The following HDAC9 variants were observed in gnomAD, a reference collection of about 807,000 sequenced individuals.
HDAC9 encodes MEF-2 interacting transcription repressor (MITR) protein.
Under a neutral mutation model 139.4 loss-of-function variants are expected in HDAC9, and 41 were observed. The ratio of observed to expected loss-of-function variants is 0.29; its 90% CI spans 0.23 to 0.38. The LOEUF (loss-of-function observed/expected upper bound fraction) is 0.38, where lower values mean the gene tolerates loss of function less well. Among genes scored for constraint, HDAC9 ranks in the 10% least tolerant of loss-of-function variants. The pLI is 1.00. For missense variants in HDAC9, 1,147 were observed against 1,297.0 expected (o/e 0.88, Z 1.78); for synonymous variants, 517 against 476.2 (o/e 1.09, Z -1.12).
At chr7:18,654,946 C>T (rs953530306) in intron 11 of HDAC9, among the ~76,000 whole-genome samples, 5 of 152,162 alleles carry the variant, frequency 3.3e-5, no homozygotes, top group African/African-American at 2.4e-5. Flanking sequence ...GAGCCAACTA[C>T]AGCCAGGCCA....
At chr7:18,589,568 A>G (rs1243167358) in intron 3 of HDAC9, among the ~76,000 whole-genome samples, 1 of 152,122 alleles carries the variant, frequency 6.6e-6, no homozygotes, top group Non-Finnish European at 1.5e-5. Context: ...GAGTGCAAGA[A>G]TGCATCATAT....
chr7:18,135,246 A>G (rs1298497439), intron 1 of HDAC9, among the ~76,000 whole-genome samples: 3 of 140,478 alleles, frequency 2.1e-5, no homozygotes, highest in Non-Finnish European at 4.5e-5. Flanking sequence ...TGTTTGCAAA[A>G]ATTTCTTTCT....
chr7:18,092,251 G>C (rs78735034), intron 1 of HDAC9, among the ~76,000 whole-genome samples: 2 of 151,972 alleles, frequency 1.3e-5, no homozygotes, highest in Non-Finnish European at 2.9e-5. Context: ...TTACCTGAAC[G>C]TGATGGTGTG....
intron 1 of HDAC9, among the ~76,000 whole-genome samples, chr7:18,370,583 G>A (rs1784520243): frequency 6.6e-6 from 1 of 152,134 alleles, no homozygotes; most frequent in South Asian, 2.1e-4. Context: ...ATATTAGTCT[G>A]TAAATCATAA....
intron 1 of HDAC9, among the ~76,000 whole-genome samples, chr7:18,371,639 A>T (rs113618492): frequency 0.016 from 2,449 of 152,322 alleles, 60 homozygotes; most frequent in African/African-American, 0.054. Flanking sequence ...CAATGGGTGA[A>T]TTATTAGTTT....
intron 2 of HDAC9, among the ~76,000 whole-genome samples, chr7:18,203,434 A>G (rs1263329489): frequency 6.6e-6 from 1 of 152,174 alleles, no homozygotes; most frequent in Non-Finnish European, 1.5e-5. Context: ...CCAGTTATTG[A>G]CAGATCTTAA....
chr7:18,582,242 G>A (rs999057748), intron 2 of HDAC9, among the ~76,000 whole-genome samples: 1 of 152,112 alleles, frequency 6.6e-6, no homozygotes, highest in Non-Finnish European at 1.5e-5. Context: ...TATAGTAATA[G>A]AGCATTAGAT....
chr7:18,934,112 T>A (rs975825469), intron 22 of HDAC9, among the ~76,000 whole-genome samples: 3 of 151,840 alleles, frequency 2.0e-5, no homozygotes, highest in African/African-American at 7.3e-5. Context: ...ATTTAAACAA[T>A]GAAATAAAAG....
In HDAC9 at chr7:18,106,662, C is replaced by T. The variant is rs533779342; in HGVS notation, c.-97+19449C>T. On this transcript the variant is annotated intron_variant, in intron 1 of 12. Transcript: ENST00000417496. ...AAAGATGGGGTTTCACCATGTTAGCCAGGCTGGTCTTGAACTCCTAACCTC... is the reference window on the plus strand; with the variant it reads ...AAAGATGGGGTTTCACCATGTTAGCTAGGCTGGTCTTGAACTCCTAACCTC... Among the ~76,000 whole-genome samples, 15 of 152,312 alleles carry T rather than the reference C, an allele frequency of 9.8e-5. No individual in the cohort carries two copies. In the East Asian group the frequency reaches 2.7e-3, roughly 27 times the overall value.
intron 2 of HDAC9, among the ~76,000 whole-genome samples, chr7:18,541,421 G>T (rs777881266): frequency 2.0e-5 from 3 of 152,008 alleles, no homozygotes; most frequent in Admixed American, 6.6e-5. Context: ...TGTCCACATG[G>T]TACTAGTCCT....
At chr7:18,411,738 T>G (rs1453313955) in intron 1 of HDAC9, among the ~76,000 whole-genome samples, 1 of 151,976 alleles carries the variant, frequency 6.6e-6, no homozygotes, top group Admixed American at 6.6e-5. Flanking sequence ...ATGTAAGTTT[T>G]CTGAAGAAAT....
At chr7:18,849,327 G>C (rs1166115837) in intron 21 of HDAC9, among the ~76,000 whole-genome samples, 1 of 152,126 alleles carries the variant, frequency 6.6e-6, no homozygotes, top group Non-Finnish European at 1.5e-5. Context: ...AAGAAAGAAA[G>C]GAAGAGAAAC....
At chr7:18,707,948 A>G (rs977556647) in intron 12 of HDAC9, among the ~76,000 whole-genome samples, 1 of 151,738 alleles carries the variant, frequency 6.6e-6, no homozygotes, top group South Asian at 2.1e-4. Flanking sequence ...TATTGAGGGG[A>G]GACAGACAGT....
At chr7:18,731,629 A>C (rs750042932) in intron 13 of HDAC9, among the ~76,000 whole-genome samples, 1 of 152,136 alleles carries the variant, frequency 6.6e-6, no homozygotes, top group Non-Finnish European at 1.5e-5. Flanking sequence ...TTATTTTTAA[A>C]GATAATTTTT....
At chr7:18,373,417 G>A (rs1784743788) in intron 1 of HDAC9, among the ~76,000 whole-genome samples, 2 of 151,984 alleles carry the variant, frequency 1.3e-5, no homozygotes, top group African/African-American at 4.8e-5. Context: ...TGTAAAACAG[G>A]GGATAATAAT....
chr7:18,534,968 G>A (rs556170468), intron 2 of HDAC9, among the ~76,000 whole-genome samples: 4 of 152,250 alleles, frequency 2.6e-5, no homozygotes, highest in South Asian at 2.1e-4. Context: ...TTGACCTTGC[G>A]CTTGACCACT....
chr7:18,568,056 A>G (rs1394863906), intron 2 of HDAC9, among the ~76,000 whole-genome samples: 1 of 146,068 alleles, frequency 6.8e-6, no homozygotes, highest in Non-Finnish European at 1.5e-5. Flanking sequence ...ATATATATGT[A>G]AGCTTAGAAT....
At chr7:18,787,521 G>A (rs1302481297) in intron 16 of HDAC9, among the ~76,000 whole-genome samples, 1 of 152,152 alleles carries the variant, frequency 6.6e-6, no homozygotes, top group African/African-American at 2.4e-5. Flanking sequence ...TGGTACATTA[G>A]TTACATCATT....
intron 1 of HDAC9, among the ~76,000 whole-genome samples, chr7:18,109,011 A>G (rs905332524): frequency 2.6e-5 from 4 of 152,188 alleles, no homozygotes; most frequent in Non-Finnish European, 4.4e-5. Context: ...AACATGTATA[A>G]GACAGTAAAT....
Sources: allele counts gnomAD v4.1 joint callset (sites outside exome capture counted in the v4.1 genomes callset), GRCh38; gene constraint gnomAD v4.1.1; transcripts MANE v1.5; gene names NCBI Gene and HGNC (gene_info 2026-07-23, HGNC 2026-07-21).